The following LRBA variants were observed in gnomAD, a reference collection of about 807,000 sequenced individuals.
The protein encoded by LRBA is lipopolysaccharide-responsive and beige-like anchor protein.
LRBA carries 176 observed loss-of-function variants against 330.0 expected under a neutral mutation model. The ratio of observed to expected loss-of-function variants is 0.53; its 90% CI spans 0.47 to 0.60. LRBA has a LOEUF of 0.60. Among genes scored for constraint, LRBA ranks in the 20% least tolerant of loss-of-function variants. The pLI is 0.00. For missense variants in LRBA, 3,259 were observed against 3,444.8 expected (o/e 0.95, Z 1.35); for synonymous variants, 1,230 against 1,193.0 (o/e 1.03, Z -0.64).
intron 40 of LRBA, among the ~76,000 whole-genome samples, chr4:150,587,283 A>G (rs1269864480): frequency 6.6e-6 from 1 of 152,228 alleles, no homozygotes; most frequent in East Asian, 1.9e-4. Context: ...CATGTACATA[A>G]CATATGCTAT....
intron 36 of LRBA, among the ~76,000 whole-genome samples, chr4:150,705,479 G>C (rs185335219): frequency 3.3e-5 from 5 of 152,058 alleles, no homozygotes; most frequent in African/African-American, 1.2e-4. Context: ...AAATTGTAAA[G>C]TTATTCACAA....
Position 150,779,088 on chromosome 4 carries a change from T to C in LRBA, c.5581-17241A>G, listed in dbSNP as rs75249838. ...TCCTACCTCCTATCTCCCACCTCAA[T>C]ACATACATATTTATTTTATAAGAAT... On this transcript the variant is annotated intron_variant, in intron 34 of 56. Transcript: ENST00000651943. 5.6e-3 allele frequency among the ~76,000 whole-genome samples: 853 copies of C among 152,260 alleles called. 7 individuals are homozygous for C. The highest frequency in any genetic ancestry group is 0.02 in the African/African-American group (830 of 41,562).
At chr4:150,508,239 AAGG>A (rs765317896) in intron 40 of LRBA, among the ~76,000 whole-genome samples, 975 of 67,744 alleles carry the variant, frequency 0.014, 16 homozygotes, top group African/African-American at 0.04. Flanking sequence ...TTTAAAAAAA[AAGG>A]GGGGGGGGGG....
rs181668067 is a variant in LRBA at position 150,352,149 on chromosome 4, T to C, written c.7195-1990A>G. Among the ~76,000 whole-genome samples, 17 of 152,356 alleles carry C rather than the reference T, an allele frequency of 1.1e-4. No homozygotes were observed. In the East Asian group the frequency reaches 3.1e-3, roughly 28 times the overall value. Reference sequence around the variant, plus strand: ...GAGTAGTAAGTCTATGATTGTGATGTATTTTCAGTATGGCTTGCTGCTATG... The same window carrying C: ...GAGTAGTAAGTCTATGATTGTGATGCATTTTCAGTATGGCTTGCTGCTATG... On this transcript the variant is annotated intron_variant, in intron 47 of 56. Coordinates refer to ENST00000651943, the MANE Select transcript of LRBA (RefSeq NM_001364905.1).
chr4:150,877,778 C>T (rs1425495017), intron 17 of LRBA, among the ~76,000 whole-genome samples: 1 of 152,140 alleles, frequency 6.6e-6, no homozygotes, highest in Non-Finnish European at 1.5e-5. Flanking sequence ...CCACATGCTT[C>T]GCCATAAAGA....
At chr4:150,692,230 GTTTT>G (rs921736749) in intron 36 of LRBA, among the ~76,000 whole-genome samples, 1 of 149,528 alleles carries the variant, frequency 6.7e-6, no homozygotes, top group African/African-American at 2.5e-5. Context: ...TTGTTTGTTT[GTTTT>G]TTCAGGCAGG....
At chr4:150,775,270 T>A (rs1052626101) in intron 34 of LRBA, among the ~76,000 whole-genome samples, 3 of 152,170 alleles carry the variant, frequency 2.0e-5, no homozygotes, top group African/African-American at 7.2e-5. Flanking sequence ...GACCCTGCAG[T>A]GTGAGTAAGT....
chr4:150,842,170 G>A (rs1442044813), intron 28 of LRBA, among the ~76,000 whole-genome samples: 1 of 152,090 alleles, frequency 6.6e-6, no homozygotes, highest in Admixed American at 6.5e-5. Context: ...ATAATAACTG[G>A]TTAGAAGGTT....
chr4:150,965,628 C>T (rs1355699037), intron 2 of LRBA, among the ~76,000 whole-genome samples: 2 of 152,082 alleles, frequency 1.3e-5, no homozygotes, highest in African/African-American at 4.8e-5. Context: ...TAGCCACAAC[C>T]TCCTGGGCTC....
At chr4:150,323,018 TGTGTGTG>T (rs1732750368) in intron 49 of LRBA, among the ~76,000 whole-genome samples, 5 of 144,458 alleles carry the variant, frequency 3.5e-5, no homozygotes, top group Admixed American at 2.1e-4. Context: ...TGTGTGTGTG[TGTGTGTG>T]GGGATGCATT....
chr4:150,818,933 T>A (rs1356722050), intron 30 of LRBA, among the ~76,000 whole-genome samples: 1 of 152,084 alleles, frequency 6.6e-6, no homozygotes, highest in Non-Finnish European at 1.5e-5. Flanking sequence ...AGAAAGCTTA[T>A]GTCCACAAAA....
At position 150,453,478 on chromosome 4, in the gene LRBA, T is replaced by G. The variant is rs561280494; in HGVS notation, c.6780+14195A>C. On this transcript the variant is annotated intron_variant, in intron 44 of 56. Coordinates refer to ENST00000651943, the MANE Select transcript of LRBA (RefSeq NM_001364905.1). The stretch of plus-strand genomic sequence containing the variant: ...CTTCTACACACAAAAAAATGAACCT[T>G]AACTCTTACCATGAACTTACAATAC... Among the ~76,000 whole-genome samples, 4 of 152,260 alleles carry G rather than the reference T, an allele frequency of 2.6e-5. No individual in the cohort carries two copies. In the South Asian group the frequency reaches 8.3e-4, roughly 32 times the overall value.
At chr4:150,692,634 G>A (rs1784242497) in intron 36 of LRBA, among the ~76,000 whole-genome samples, 2 of 152,062 alleles carry the variant, frequency 1.3e-5, no homozygotes, top group Admixed American at 1.3e-4. Flanking sequence ...AAATCAATGA[G>A]GAAGAGACAG....
intron 28 of LRBA, among the ~76,000 whole-genome samples, chr4:150,835,108 T>C (rs547431364): frequency 6.6e-6 from 1 of 152,294 alleles, no homozygotes; most frequent in Non-Finnish European, 1.5e-5. Context: ...GAAGATCAGA[T>C]AGTTGTAGAT....
At chr4:150,653,101 G>C (rs1779852048) in intron 37 of LRBA, among the ~76,000 whole-genome samples, 1 of 152,076 alleles carries the variant, frequency 6.6e-6, no homozygotes, top group African/African-American at 2.4e-5. Flanking sequence ...CCAGCACTTT[G>C]GGAGGACAAG....
At chr4:150,705,886 GA>G (rs2127014277) in intron 36 of LRBA, among the ~76,000 whole-genome samples, 1 of 151,986 alleles carries the variant, frequency 6.6e-6, no homozygotes, top group East Asian at 1.9e-4. Flanking sequence ...TCAGGAACAA[GA>G]AAAAGATGCT....
chr4:150,453,327 G>A (rs1753624981), intron 44 of LRBA, among the ~76,000 whole-genome samples: 1 of 152,114 alleles, frequency 6.6e-6, no homozygotes, highest in African/African-American at 2.4e-5. Context: ...AGGATATACT[G>A]ATTAATTGTG....
At chr4:150,297,602 A>G (rs1729131740) in intron 53 of LRBA, among the ~76,000 whole-genome samples, 1 of 152,266 alleles carries the variant, frequency 6.6e-6, no homozygotes. Context: ...TGTTCCTGAC[A>G]AAGGATCAGA....
At chr4:150,895,744 A>G (rs541607325) in intron 16 of LRBA, among the ~76,000 whole-genome samples, 1 of 152,306 alleles carries the variant, frequency 6.6e-6, no homozygotes, top group African/African-American at 2.4e-5. Context: ...CAATAAACAT[A>G]CGTGTGCATG....
Sources: allele counts gnomAD v4.1 joint callset (sites outside exome capture counted in the v4.1 genomes callset), GRCh38; gene constraint gnomAD v4.1.1; transcripts MANE v1.5; gene names NCBI Gene and HGNC (gene_info 2026-07-23, HGNC 2026-07-21).